RAB3IL1: variants seen among roughly 807,000 people sequenced by gnomAD.
RAB3IL1 encodes the protein RAB3A interacting protein like 1.
In RAB3IL1, 37 loss-of-function variants were observed where a neutral mutation model predicts 49.2. The ratio of observed to expected loss-of-function variants is 0.75; its 90% CI spans 0.58 to 0.99. The LOEUF (loss-of-function observed/expected upper bound fraction) is 0.99. Ranked by LOEUF, RAB3IL1 falls within the 50% of genes least tolerant of loss-of-function variation. The pLI is 0.00. For synonymous variants in RAB3IL1, 193 were observed against 213.9 expected (o/e 0.90, Z 0.85); for missense variants, 484 against 513.0 (o/e 0.94, Z 0.55).
At chr11:61,944,242 C>CCTTCCTTCCTTCCTTT in the RAB3IL1 span, among the ~76,000 whole-genome samples, 6,141 of 127,290 alleles carry the variant, frequency 0.048, 293 homozygotes, top group Non-Finnish European at 0.069. Flanking sequence ...TTCCTTCCTT[C>CCTTCCTTCCTTCCTTT]CTTCCTTCCT....
chr11:61,906,771 G>C lies in RAB3IL1; in HGVS notation c.439-87C>G. On this transcript the variant is annotated intron_variant, in intron 4 of 9. Coordinates refer to ENST00000394836, the MANE Select transcript of RAB3IL1 (RefSeq NM_013401.4). The surrounding 1 kb of genome is among the most constrained non-coding windows in gnomAD (Gnocchi z 4.6). ...GCCTATCAGCCTAACTCAGGACAATGCACCCCTGCAGTGACAGGCACTTAG... is the reference window on the plus strand; with the variant it reads ...GCCTATCAGCCTAACTCAGGACAATCCACCCCTGCAGTGACAGGCACTTAG... 7.9e-7 allele frequency: 1 copy of C among 1,273,264 alleles called. No homozygotes were observed. The highest frequency in any genetic ancestry group is 1.1e-6 in the Non-Finnish European group (1 of 903,408). 78.9% of individuals were successfully genotyped at this position (1,273,264 alleles called of 1,614,324 possible). A position where few individuals can be genotyped will look rare whatever the true frequency, so the allele number is the denominator to read the frequency against.
chr11:61,933,161 T>C, the RAB3IL1 span, among the ~76,000 whole-genome samples: 5 of 152,220 alleles, frequency 3.3e-5, no homozygotes, highest in Non-Finnish European at 5.9e-5. Context: ...TGAATCCTAA[T>C]CTTTGAAAAC....
At chr11:61,905,025 G>T in intron 5 of RAB3IL1, 143 bp from the exon 6 acceptor site, 1 of 646,922 alleles carries the variant, frequency 1.5e-6, no homozygotes. Flanking sequence ...GCCGTGCAGG[G>T]AAGCCAAGTC....
intron 1 of RAB3IL1, among the ~76,000 whole-genome samples, chr11:61,911,612 G>A (rs530796493): frequency 3.0e-4 from 45 of 152,248 alleles, no homozygotes; most frequent in African/African-American, 1.1e-3. Context: ...TCCTCAGTCC[G>A]GGTCCACCGC....
chr11:61,915,852 A>G lies in RAB3IL1; in HGVS notation c.11+1505T>C, dbSNP rs186766370. On this transcript the variant is annotated intron_variant, in intron 1 of 9. Coordinates refer to ENST00000394836, the MANE Select transcript of RAB3IL1 (RefSeq NM_013401.4). Reference sequence around the variant, plus strand: ...GGAGATCGAGACCATCCTTGCTAACATGGTGAAACCCTGTCTCTACTAAAA... The same window carrying G: ...GGAGATCGAGACCATCCTTGCTAACGTGGTGAAACCCTGTCTCTACTAAAA... 9.1e-3 allele frequency among the ~76,000 whole-genome samples: 1,390 copies of G among 151,976 alleles called. 18 individuals are homozygous for G. Among genetic ancestry groups the G allele is most frequent in the African/African-American group, 0.03 (1,247 of 41,444 alleles).
the RAB3IL1 span, among the ~76,000 whole-genome samples, chr11:61,926,992 A>C: frequency 2.0e-5 from 3 of 152,142 alleles, no homozygotes; most frequent in African/African-American, 4.8e-5. Flanking sequence ...CTGGGACTAC[A>C]GGCACTATGC....
rs749370411 is a variant in RAB3IL1, at chr11:61,899,374, C to T, written c.1006G>A (p.Ala336Thr). The T allele has an allele frequency of 7.5e-6, 12 of 1,608,834 alleles. No homozygotes were observed. The highest frequency in any genetic ancestry group is 1.1e-5 in the South Asian group (1 of 90,900). The change falls in exon 9 of 10, where the codon GCA (alanine) becomes ACA (threonine). Residue 336 changes from alanine to threonine, a missense_variant. Physicochemically the swap from Ala to Thr is moderately conservative, Grantham distance 58. Transcript: ENST00000394836. ...ATGTAGGTGAAGAAGTTGCACACTG[C>T]GGTGATCTGTGGGCAGAGGTGGGGA... ...ISPSSRARIT[A>T]VCNFFTYIRY... is the part of the protein sequence containing the mutation.
chr11:61,916,919 G>A (rs527532434), intron 1 of RAB3IL1, among the ~76,000 whole-genome samples: 30 of 152,148 alleles, frequency 2.0e-4, no homozygotes, highest in African/African-American at 7.2e-4. Context: ...CCCTCAACTT[G>A]GGAGCCACCC....
upstream of RAB3IL1, among the ~76,000 whole-genome samples, chr11:61,922,949 A>G (rs1939938648): frequency 6.6e-6 from 1 of 152,210 alleles, no homozygotes; most frequent in African/African-American, 2.4e-5. Context: ...AAAACAGGAT[A>G]TGTGAAGGGT....
chr11:61,917,651 A>C (rs1591241697), upstream of RAB3IL1: 2 of 848,744 alleles, frequency 2.4e-6, no homozygotes, highest in Non-Finnish European at 2.9e-6. Context: ...GCGCGCTCCC[A>C]AGGCCTGGCC....
In RAB3IL1 at chr11:61,898,178, C is replaced by T; in HGVS notation, c.*100G>A. On this transcript the variant is annotated 3_prime_UTR_variant, in exon 10 of 10. Transcript: ENST00000394836. This position sits in a 1 kb window ranked among gnomAD's most constrained non-coding sequence, Gnocchi z 5.1. ...GTCTGTCCATCCATTCTGCCTCTGGCTCAGGGCTGGCTCCAGGCCCCCGTC... is the reference window on the plus strand; with the variant it reads ...GTCTGTCCATCCATTCTGCCTCTGGTTCAGGGCTGGCTCCAGGCCCCCGTC... The T allele has an allele frequency of 8.9e-7, 1 of 1,127,080 alleles. No homozygotes were observed. Among genetic ancestry groups the T allele is most frequent in the Non-Finnish European group, 1.3e-6 (1 of 767,330 alleles). The allele number at this position is 1,127,080 out of a possible 1,614,324, so 69.8% of individuals were successfully genotyped here.
the RAB3IL1 span, chr11:61,945,911 T>C: frequency 1.4e-6 from 1 of 704,682 alleles, no homozygotes; most frequent in Non-Finnish European, 1.7e-6. Context: ...TTTGATGAAG[T>C]TGGACCTAGG....
intron 8 of RAB3IL1, among the ~76,000 whole-genome samples, 187 bp downstream of exon 8, chr11:61,902,233 ATGTCTGCCTGGGAGGCAGACAT>A (rs1463088206): frequency 6.6e-6 from 1 of 152,222 alleles, no homozygotes; most frequent in African/African-American, 2.4e-5. Flanking sequence ...AGAATTGCTA[ATGTCTGCCTGGGAGGCAGACAT>A]TGCAGTGAAC....
chr11:61,938,546 T>G, the RAB3IL1 span, among the ~76,000 whole-genome samples: 1 of 152,276 alleles, frequency 6.6e-6, no homozygotes, highest in East Asian at 1.9e-4. Flanking sequence ...ATATAACAAT[T>G]ATATATTTCA....
chr11:61,908,213 G>T lies in RAB3IL1; in HGVS notation c.105C>A (p.Ser35=). The change falls in exon 2 of 10, where the codon TCC becomes TCA. Residue 35 remains serine, a synonymous_variant. Coordinates refer to ENST00000394836, the MANE Select transcript of RAB3IL1 (RefSeq NM_013401.4). ...CAGAGGTCTCCACCAGGGCTCCTGG[G>T]GACTCCCTGTGGCCTTGGCAGGGGT... ...STDPCQGHRE[S]PGALVETSAG... 1.3e-6 allele frequency: 2 copies of T among 1,543,440 alleles called. No homozygotes were observed. Among genetic ancestry groups the T allele is most frequent in the African/African-American group, 1.4e-5 (1 of 73,468 alleles).
the RAB3IL1 span, among the ~76,000 whole-genome samples, chr11:61,937,443 C>T: frequency 6.6e-6 from 1 of 152,028 alleles, no homozygotes; most frequent in African/African-American, 2.4e-5. Context: ...GTAGCTGGGA[C>T]TACAGGTGCA....
At chr11:61,930,027 G>C in the RAB3IL1 span, among the ~76,000 whole-genome samples, 2 of 151,292 alleles carry the variant, frequency 1.3e-5, no homozygotes, top group African/African-American at 4.9e-5. Context: ...TAAGTAGCTG[G>C]GACTACAGGC....
chr11:61,902,113 G>A (rs893021609), intron 8 of RAB3IL1, among the ~76,000 whole-genome samples: 4 of 152,176 alleles, frequency 2.6e-5, no homozygotes, highest in African/African-American at 7.2e-5. Context: ...CCAGGAGTTC[G>A]AGTTCAGCCT....
At chr11:61,909,147 G>C (rs1324179165) in intron 1 of RAB3IL1, among the ~76,000 whole-genome samples, 1 of 152,200 alleles carries the variant, frequency 6.6e-6, no homozygotes, top group African/African-American at 2.4e-5. Flanking sequence ...GCAAAAGCTG[G>C]AGGCTCCTGA....
Sources: gnomAD v4.1 joint callset for allele counts (sites outside exome capture counted in the v4.1 genomes callset) on GRCh38, gnomAD v4.1.1 for gene constraint, Gnocchi (gnomAD v3.1) non-coding constraint, MANE v1.5 for transcripts, NCBI Gene and HGNC (gene_info 2026-07-23, HGNC 2026-07-21) for gene names.